PWWP3B: variants seen among roughly 807,000 people sequenced by gnomAD.
PWWP3B encodes PWWP domain containing 3B, also known as PWWP domain-containing DNA repair factor 3B.
A neutral mutation model predicts 15.7 loss-of-function variants in PWWP3B; 5 were observed. The ratio of observed to expected loss-of-function variants is 0.32; its 90% confidence interval spans 0.17 to 0.67. The LOEUF (loss-of-function observed/expected upper bound fraction) is 0.67, where lower values mean the gene tolerates loss of function less well. Ranked by LOEUF, PWWP3B falls within the 30% of genes least tolerant of loss-of-function variation. The pLI is 0.74. For synonymous variants in PWWP3B, 203 were observed against 179.8 expected (o/e 1.13, Z -1.03); for missense variants, 519 against 493.1 (o/e 1.05, Z -0.50).
chrX:106,188,753 T>C (rs968917465), intron 2 of PWWP3B, among the ~76,000 whole-genome samples: 4 of 112,700 alleles, frequency 3.5e-5, no homozygotes, highest in South Asian at 3.6e-4. Flanking sequence ...GTCATACAAA[T>C]GGAATCATAA....
At chrX:106,203,068 T>C (rs183108742) in intron 2 of PWWP3B, among the ~76,000 whole-genome samples, 7 of 111,707 alleles carry the variant, frequency 6.3e-5, no homozygotes, top group African/African-American at 2.3e-4. Flanking sequence ...TATCAAATTA[T>C]GTGGAAAATA....
rs994130684 is a variant in PWWP3B, at chrX:106,207,482, T to C, written c.2050T>C (p.Tyr684His). 44 of 1,148,502 alleles carry C rather than the reference T, an allele frequency of 3.8e-5. 1 individual carries two copies. The highest frequency in any genetic ancestry group is 6.5e-5 in the East Asian group (2 of 30,549). The allele number at this position is 1,148,502 out of a possible 1,213,427, so 94.6% of individuals were successfully genotyped here. Residue 684 changes from tyrosine to histidine, a missense_variant, in exon 4 of 4, where the codon TAT becomes CAT. Transcript: ENST00000357175. ...ERELFDAKIIYEKRRKAPTNE... is the reference protein window; with the variant it reads ...ERELFDAKIIHEKRRKAPTNE... ...AGAATTATTTGATGCAAAAATAATA[T>C]ATGAAAAGAGACGAAAAGCACCAAC...
intron 2 of PWWP3B, among the ~76,000 whole-genome samples, chrX:106,198,413 T>C (rs1420054130): frequency 9.0e-6 from 1 of 111,193 alleles, no homozygotes; most frequent in Admixed American, 9.6e-5. Context: ...GAAAACACTT[T>C]TGGCTTCTAT....
At chrX:106,195,985 A>G (rs1923354351) in intron 2 of PWWP3B, among the ~76,000 whole-genome samples, 1 of 112,098 alleles carries the variant, frequency 8.9e-6, no homozygotes, top group Non-Finnish European at 1.9e-5. Context: ...AGTGTGTTGA[A>G]GTCTTCAGCA....
At chrX:106,179,389 A>G (rs896964582) in intron 2 of PWWP3B, among the ~76,000 whole-genome samples, 1 of 112,391 alleles carries the variant, frequency 8.9e-6, no homozygotes, top group African/African-American at 3.2e-5. Context: ...TGACAAAGAG[A>G]GCATTTCATA....
intron 2 of PWWP3B, among the ~76,000 whole-genome samples, chrX:106,192,943 A>G (rs7055612): frequency 0.036 from 3,957 of 111,206 alleles, 178 homozygotes; most frequent in African/African-American, 0.12. Flanking sequence ...CCATTTGCTG[A>G]GGAGTGCTTT....
intron 2 of PWWP3B, among the ~76,000 whole-genome samples, chrX:106,198,529 T>G (rs1250444381): frequency 1.8e-5 from 2 of 111,865 alleles, no homozygotes; most frequent in Non-Finnish European, 3.8e-5. Flanking sequence ...TAAGATCATA[T>G]GTCAAGTGCT....
rs1424907941 is a variant in PWWP3B, at chrX:106,208,520, TTATC to T, written c.*998_*1001del. The T allele has an allele frequency of 8.1e-6, 1 of 124,088 alleles. No homozygotes were observed. The highest frequency in any genetic ancestry group is 3.2e-5 in the African/African-American group (1 of 31,040). 10.2% of individuals were successfully genotyped at this position (124,088 alleles called of 1,213,427 possible). A position where few individuals can be genotyped will look rare whatever the true frequency, so the allele number is the denominator to read the frequency against. ...ATAGTTGTCTCAAACCAAGCAAGCT[TTATC>T]AAAATGGCTTATTTGCAGAATAGTT... On this transcript the variant is annotated 3_prime_UTR_variant, in exon 4 of 4. Transcript: ENST00000357175.
At position 106,208,649 on chromosome X, in the gene PWWP3B, C is replaced by T. The variant is rs1308270780; in HGVS notation, c.*1126C>T. On this transcript the variant is annotated 3_prime_UTR_variant, in exon 4 of 4. Transcript: ENST00000357175. ...TGGAAATAGGTCACAGAAAAAGCCT[C>T]CATTTGGCTAAATATGACAATTATC... 1 of 123,939 alleles carries T rather than the reference C, an allele frequency of 8.1e-6. No individual in the cohort carries two copies. The highest frequency in any genetic ancestry group is 3.2e-5 in the African/African-American group (1 of 31,003). 10.2% of individuals were successfully genotyped at this position (123,939 alleles called of 1,213,427 possible).
chrX:106,189,682 A>ATC (rs1314777340), intron 2 of PWWP3B, among the ~76,000 whole-genome samples: 1 of 93,640 alleles, frequency 1.1e-5, no homozygotes, highest in Non-Finnish European at 2.0e-5. Context: ...CAGTGGCGTG[A>ATC]TCTCGGCTCA....
chrX:106,175,820 T>C (rs1326490724), intron 2 of PWWP3B, among the ~76,000 whole-genome samples: 2 of 111,936 alleles, frequency 1.8e-5, no homozygotes, highest in Non-Finnish European at 3.8e-5. Flanking sequence ...AATGCCATCT[T>C]ATTGCTGTTT....
At chrX:106,174,078 A>G (rs1387671697) in intron 2 of PWWP3B, among the ~76,000 whole-genome samples, 1 of 112,263 alleles carries the variant, frequency 8.9e-6, no homozygotes, top group Non-Finnish European at 1.9e-5. Context: ...AAAGTTGCTT[A>G]CCAGGAAAAT....
intron 2 of PWWP3B, among the ~76,000 whole-genome samples, chrX:106,191,710 G>A (rs1269394731): frequency 6.3e-5 from 7 of 111,059 alleles, no homozygotes; most frequent in Middle Eastern, 4.2e-3. Flanking sequence ...TTTGAGATAC[G>A]TCCCATCAGT....
At chrX:106,169,557 G>T (rs1402678632) in intron 1 of PWWP3B, among the ~76,000 whole-genome samples, 2 of 111,281 alleles carry the variant, frequency 1.8e-5, no homozygotes, top group East Asian at 5.7e-4. Context: ...TTTTTCTATG[G>T]GTCTGAGAAG....
In PWWP3B at chrX:106,188,149, C is replaced by T. The variant is rs1055209779; in HGVS notation, c.-400-15836C>T. Among the ~76,000 whole-genome samples, 6 of 111,335 alleles carry T rather than the reference C, an allele frequency of 5.4e-5. No homozygotes were observed. The Admixed American group carries it at 5.7e-4, about 11-fold the overall frequency. The stretch of plus-strand genomic sequence containing the variant: ...TGTCATCTGGTTTCTTGACATATGT[C>T]CTGTACTAACTAACTCTCAATGAAA... On this transcript the variant is annotated intron_variant, in intron 2 of 3. Coordinates refer to ENST00000357175, the MANE Select transcript of PWWP3B (RefSeq NM_001171020.2).
Position 106,206,817 on chromosome X carries a change from A to T in PWWP3B, c.1385A>T (p.Tyr462Phe). 8.3e-7 allele frequency: 1 copy of T among 1,211,387 alleles called. No homozygotes were observed. The highest frequency in any genetic ancestry group is 1.1e-6 in the Non-Finnish European group (1 of 894,954). The change falls in exon 4 of 4, where the codon TAT becomes TTT. Residue 462 changes from tyrosine to phenylalanine, a missense_variant. Transcript: ENST00000357175. The part of the protein sequence containing the change: ...QMLVDKARED[Y>F]SESIDWCISL... ...CTAGTGGACAAAGCCAGGGAGGATTATAGTGAGAGTATTGACTGGTGCATC... is the reference window on the plus strand; with the variant it reads ...CTAGTGGACAAAGCCAGGGAGGATTTTAGTGAGAGTATTGACTGGTGCATC...
In PWWP3B at chrX:106,207,079, G is replaced by A. The variant is rs868453812; in HGVS notation, c.1647G>A (p.Arg549=). Residue 549 remains arginine, a synonymous_variant, in exon 4 of 4, where the codon CGG becomes CGA. Coordinates refer to ENST00000357175, the MANE Select transcript of PWWP3B (RefSeq NM_001171020.2). ...TCCCTGACCGGATGAAGGCTGCTCGGGACCGAGCCAACAAGAACCTGGTGG... is the reference window on the plus strand; with the variant it reads ...TCCCTGACCGGATGAAGGCTGCTCGAGACCGAGCCAACAAGAACCTGGTGG... ...KILPDRMKAA[R]DRANKNLVDF... is the part of the protein sequence containing the mutation. 1 of 1,205,325 alleles carries A rather than the reference G, an allele frequency of 8.3e-7. No homozygotes were observed. The highest frequency in any genetic ancestry group is 1.1e-6 in the Non-Finnish European group (1 of 892,606).
At chrX:106,194,185 A>G (rs746956976) in intron 2 of PWWP3B, among the ~76,000 whole-genome samples, 29 of 111,770 alleles carry the variant, frequency 2.6e-4, no homozygotes, top group African/African-American at 7.5e-4. Context: ...CACCAATCAG[A>G]CATAGATTTG....
chrX:106,169,426 T>G (rs1448908578), intron 1 of PWWP3B, among the ~76,000 whole-genome samples: 1 of 112,096 alleles, frequency 8.9e-6, no homozygotes, highest in Admixed American at 9.5e-5. Context: ...CTTTAGATTT[T>G]TATGTACTTT....
Sources: allele counts gnomAD v4.1 joint callset (sites outside exome capture counted in the v4.1 genomes callset), GRCh38; gene constraint gnomAD v4.1.1; transcripts MANE v1.5; gene names NCBI Gene and HGNC (gene_info 2026-07-23, HGNC 2026-07-21).